DSG4: variants seen among roughly 807,000 people sequenced by gnomAD.
DSG4 encodes desmoglein-4.
DSG4 carries 87 observed loss-of-function variants against 93.1 expected under a neutral mutation model. That is an observed-to-expected ratio of 0.93 (90% CI 0.79 to 1.12). DSG4 has a LOEUF of 1.12. DSG4 is among the 50% of genes most tolerant of loss of function. The probability of loss-of-function intolerance (pLI) is 0.00; values close to 1 mark genes in which losing one functional copy is unlikely to be tolerated. For synonymous variants in DSG4, 432 were observed against 452.9 expected (o/e 0.95, Z 0.59); for missense variants, 1,373 against 1,285.7 (o/e 1.07, Z -1.04).
chr18:31,406,362 T>A lies in DSG4; in HGVS notation c.1922T>A (p.Leu641Gln). 1 of 1,614,224 alleles carries A rather than the reference T, an allele frequency of 6.2e-7. No homozygotes were observed. Among genetic ancestry groups the A allele is most frequent in the Non-Finnish European group, 8.5e-7 (1 of 1,180,044 alleles). Residue 641 changes from leucine (L) to glutamine (Q), a missense_variant, in exon 12 of 16, where the codon CTG (leucine) becomes CAG (glutamine). Physicochemically the swap from Leu to Gln is moderately radical, Grantham distance 113. Transcript: ENST00000308128. ...AGIGMMVLGI[L>Q]LLILAPLLLL... ...ATTGGCATGATGGTTCTGGGCATCC[T>A]GCTACTGATTTGTAAGTACTCAATT...
chr18:31,397,148 G>T (rs1367090648), intron 8 of DSG4, among the ~76,000 whole-genome samples: 2 of 152,098 alleles, frequency 1.3e-5, no homozygotes, highest in African/African-American at 4.8e-5. Context: ...AAAAAAATTG[G>T]ATGTGAGAAT....
chr18:31,399,211 C>T (rs2072337031), intron 8 of DSG4, 61 bp from the exon 9 acceptor site: 1 of 1,605,852 alleles, frequency 6.2e-7, no homozygotes, highest in Non-Finnish European at 8.5e-7. Flanking sequence ...ACCATGGCTT[C>T]TTACTTTATC....
chr18:31,383,626 A>T (rs529768403), intron 1 of DSG4, among the ~76,000 whole-genome samples: 41 of 152,088 alleles, frequency 2.7e-4, no homozygotes, highest in Non-Finnish European at 3.8e-4. Context: ...CATTTTCCAG[A>T]TCCCCAGCTT....
chr18:31,407,127 A>G (rs1426164228), intron 12 of DSG4, among the ~76,000 whole-genome samples: 1 of 152,066 alleles, frequency 6.6e-6, no homozygotes, highest in East Asian at 1.9e-4. Context: ...AAAGGTAATC[A>G]AACACACACA....
chr18:31,384,687 GC>G (rs2072168568), intron 1 of DSG4, among the ~76,000 whole-genome samples: 1 of 152,120 alleles, frequency 6.6e-6, no homozygotes, highest in African/African-American at 2.4e-5. Context: ...TTACCTTCCA[GC>G]AAAAATATTA....
At chr18:31,387,985 G>T (rs1452025170) in intron 3 of DSG4, among the ~76,000 whole-genome samples, 2 of 152,068 alleles carry the variant, frequency 1.3e-5, no homozygotes, top group African/African-American at 4.8e-5. Context: ...TCCAGCTTAG[G>T]TAGGATACTT....
chr18:31,411,535 G>A (rs1487765471), intron 15 of DSG4, 87 bp downstream of exon 15: 1 of 1,447,776 alleles, frequency 6.9e-7, no homozygotes, highest in Non-Finnish European at 9.5e-7. Flanking sequence ...AGGCCTCTTC[G>A]GAAATATGCT....
intron 9 of DSG4, among the ~76,000 whole-genome samples, chr18:31,400,332 A>G (rs1374105279): frequency 6.6e-6 from 1 of 152,220 alleles, no homozygotes; most frequent in Admixed American, 6.5e-5. Flanking sequence ...CAGTTCAGAT[A>G]AAGGAACTGA....
rs1166886613 is a variant in DSG4, at chr18:31,399,315, G to T, written c.1049G>T (p.Gly350Val). Residue 350 changes from glycine to valine, a missense_variant, in exon 9 of 16, where the codon GGA (glycine) becomes GTA (valine). Transcript: ENST00000308128. Reference sequence around the variant, plus strand: ...GCACCTAACATTCAGCTTAGTATCGGAGTTAAAAACCAAGCTGATTTTCAC... The same window carrying T: ...GCACCTAACATTCAGCTTAGTATCGTAGTTAAAAACCAAGCTGATTTTCAC... ...EQAPNIQLSI[G>V]VKNQADFHYS... 6.2e-7 allele frequency: 1 copy of T among 1,614,020 alleles called. No individual in the cohort carries two copies. Among genetic ancestry groups the T allele is most frequent in the Admixed American group, 1.7e-5 (1 of 60,012 alleles).
rs1282413059 is a variant in DSG4, at chr18:31,403,502, A to C, written c.1504A>C (p.Arg502=). 3 of 1,613,980 alleles carry C rather than the reference A, an allele frequency of 1.9e-6. No individual in the cohort carries two copies. Among genetic ancestry groups the C allele is most frequent in the Non-Finnish European group, 2.5e-6 (3 of 1,179,986 alleles). ...TTGTCCAAACATTTTTCCTGAAAGA[A>C]GAACCATCTGCATTGACTCTCCATC... ...DYCPNIFPER[R]TICIDSPSVL... Residue 502 remains arginine (R), a synonymous_variant, in exon 11 of 16, where the codon AGA becomes CGA. Coordinates refer to ENST00000308128, the MANE Select transcript of DSG4 (RefSeq NM_177986.5).
At chr18:31,408,487 TTGTTGTAATAAGACTAAAGC>T (rs2144213890) in intron 12 of DSG4, among the ~76,000 whole-genome samples, 1 of 152,382 alleles carries the variant, frequency 6.6e-6, no homozygotes, top group East Asian at 1.9e-4. Flanking sequence ...GCCAAATTAA[TTGTTGTAATAAGACTAAAGC>T]TGATTTTGCA....
At chr18:31,395,905 C>G (rs1417044938) in intron 8 of DSG4, among the ~76,000 whole-genome samples, 1 of 152,118 alleles carries the variant, frequency 6.6e-6, no homozygotes, top group African/African-American at 2.4e-5. Context: ...ATGAAAATCA[C>G]TTGAACGCGG....
chr18:31,387,741 G>T (rs1275881322), intron 3 of DSG4, among the ~76,000 whole-genome samples: 1 of 152,000 alleles, frequency 6.6e-6, no homozygotes. Context: ...TTTACTGAAT[G>T]CTCTTATCGT....
chr18:31,405,196 C>G (rs1288382240), intron 11 of DSG4, among the ~76,000 whole-genome samples: 2 of 152,168 alleles, frequency 1.3e-5, no homozygotes, highest in Non-Finnish European at 2.9e-5. Context: ...ATTTAATCAT[C>G]TCAACACTCC....
chr18:31,409,987 C>T (rs530198388), intron 14 of DSG4, among the ~76,000 whole-genome samples, 179 bp downstream of exon 14: 2 of 152,136 alleles, frequency 1.3e-5, no homozygotes, highest in South Asian at 4.1e-4. Flanking sequence ...AAACTACAGA[C>T]AGTGAAGTAT....
intron 6 of DSG4, 51 bp downstream of exon 6, chr18:31,390,873 A>G (rs2072240869): frequency 6.3e-7 from 1 of 1,585,936 alleles, no homozygotes; most frequent in African/African-American, 1.3e-5. Context: ...TTTTGAAAAG[A>G]CAAAGATAAA....
At chr18:31,384,895 A>C (rs2072171398) in intron 1 of DSG4, among the ~76,000 whole-genome samples, 1 of 152,092 alleles carries the variant, frequency 6.6e-6, no homozygotes, top group African/African-American at 2.4e-5. Context: ...TCTATCCTCC[A>C]TTGAGCCCAC....
In DSG4 at chr18:31,414,482, G is replaced by A. The variant is rs1284031407; in HGVS notation, c.*887G>A. On this transcript the variant is annotated 3_prime_UTR_variant, in exon 16 of 16. Coordinates refer to ENST00000308128, the MANE Select transcript of DSG4 (RefSeq NM_177986.5). The stretch of plus-strand genomic sequence containing the variant: ...AGATATTCTCCAAAAGCACTCTGTA[G>A]TTATTCATATATTCTACAATATTTA... 6.6e-6 allele frequency: 1 copy of A among 152,176 alleles called. No individual in the cohort carries two copies. The highest frequency in any genetic ancestry group is 1.9e-4 in the East Asian group (1 of 5,192). The allele number at this position is 152,176 out of a possible 1,614,324, so 9.4% of individuals were successfully genotyped here.
At chr18:31,402,174 G>A (rs896804000) in intron 10 of DSG4, among the ~76,000 whole-genome samples, 6 of 152,226 alleles carry the variant, frequency 3.9e-5, no homozygotes, top group African/African-American at 7.2e-5. Context: ...CAGAAACAAA[G>A]CTGATTGTTT....
Sources: gnomAD v4.1 joint callset for allele counts (sites outside exome capture counted in the v4.1 genomes callset) on GRCh38, gnomAD v4.1.1 for gene constraint, MANE v1.5 for transcripts, NCBI Gene and HGNC (gene_info 2026-07-23, HGNC 2026-07-21) for gene names.